PTPRQ: variants seen among roughly 807,000 people sequenced by gnomAD.
PTPRQ encodes protein tyrosine phosphatase receptor type Q, also known as phosphatidylinositol phosphatase PTPRQ.
Under a neutral mutation model 246.0 loss-of-function variants are expected in PTPRQ, and 199 were observed. The observed-to-expected ratio is 0.81, with a 90% CI of 0.72 to 0.91. PTPRQ has a LOEUF of 0.91. Among genes scored for constraint, PTPRQ ranks in the 40% least tolerant of loss-of-function variants. The pLI, the probability that PTPRQ is intolerant of heterozygous loss-of-function variation, is 0.00. For missense variants in PTPRQ, 2,624 were observed against 2,528.4 expected (o/e 1.04, Z -0.81); for synonymous variants, 869 against 853.2 (o/e 1.02, Z -0.32).
At chr12:80,525,987 A>C (rs529721637) in intron 17 of PTPRQ, 8 of 152,278 alleles carry the variant, frequency 5.3e-5, no homozygotes, top group Admixed American at 3.3e-4. Context: ...TGCCTGAAAC[A>C]CAGTAAGTAT....
chr12:80,466,112 G>A (rs1402171737), intron 6 of PTPRQ, among the ~76,000 whole-genome samples: 7 of 152,106 alleles, frequency 4.6e-5, no homozygotes, highest in South Asian at 2.1e-4. Flanking sequence ...AAACCCCATC[G>A]TCTCAGCCCA....
chr12:80,483,864 T>C (rs1386691663), intron 8 of PTPRQ, among the ~76,000 whole-genome samples: 1 of 152,176 alleles, frequency 6.6e-6, no homozygotes, highest in African/African-American at 2.4e-5. Flanking sequence ...GATAGTTTGC[T>C]GAGAATGATG....
At chr12:80,562,103 T>C (rs1284828942) in intron 25 of PTPRQ, among the ~76,000 whole-genome samples, 1 of 152,214 alleles carries the variant, frequency 6.6e-6, no homozygotes, top group African/African-American at 2.4e-5. Context: ...TGAACCAGCC[T>C]TGGGATTCTT....
intron 24 of PTPRQ, among the ~76,000 whole-genome samples, chr12:80,547,485 A>T (rs1263073265): frequency 2.6e-5 from 4 of 152,064 alleles, no homozygotes; most frequent in Admixed American, 2.6e-4. Context: ...TTAAATCGAG[A>T]TTGTAGACCA....
chr12:80,471,518 C>T (rs1893630112), intron 7 of PTPRQ, among the ~76,000 whole-genome samples: 1 of 25,006 alleles, frequency 4.0e-5, no homozygotes, highest in Non-Finnish European at 7.9e-5. Flanking sequence ...CGCTCTGTCG[C>T]CCAGGCTGGA....
intron 9 of PTPRQ, among the ~76,000 whole-genome samples, chr12:80,486,807 A>G (rs184047876): frequency 2.6e-4 from 40 of 152,252 alleles, no homozygotes; most frequent in Admixed American, 2.5e-3. Flanking sequence ...CCCAGTGTGC[A>G]ACACAAGAAT....
intron 14 of PTPRQ, among the ~76,000 whole-genome samples, chr12:80,497,356 A>G (rs1351155068): frequency 6.6e-6 from 1 of 151,956 alleles, no homozygotes; most frequent in East Asian, 1.9e-4. Context: ...GGCAATTCAC[A>G]ATAGAGTTTG....
chr12:80,578,784 G>GT (rs1275804890), intron 25 of PTPRQ, among the ~76,000 whole-genome samples: 6 of 152,014 alleles, frequency 3.9e-5, no homozygotes, highest in Non-Finnish European at 7.4e-5. Context: ...CTCTTTATGG[G>GT]TTTTTTCAGA....
chr12:80,634,905 T>G (rs1899583874), intron 34 of PTPRQ, 40 bp from the exon 35 acceptor site: 1 of 1,545,076 alleles, frequency 6.5e-7, no homozygotes, highest in Non-Finnish European at 8.7e-7. Context: ...ATATACTTTG[T>G]GTGAAACTCC....
chr12:80,556,712 T>A (rs1206202961), intron 25 of PTPRQ, among the ~76,000 whole-genome samples: 1 of 152,176 alleles, frequency 6.6e-6, no homozygotes, highest in Non-Finnish European at 1.5e-5. Flanking sequence ...ACTAAAGCAC[T>A]CATGGTAAGC....
intron 35 of PTPRQ, among the ~76,000 whole-genome samples, chr12:80,646,961 C>T (rs950307960): frequency 6.6e-6 from 1 of 152,110 alleles, no homozygotes; most frequent in Non-Finnish European, 1.5e-5. Flanking sequence ...TTAGCTATTT[C>T]TTGCTCACTT....
intron 17 of PTPRQ, among the ~76,000 whole-genome samples, chr12:80,527,815 T>C (rs546649143): frequency 4.6e-5 from 7 of 150,700 alleles, no homozygotes; most frequent in African/African-American, 1.7e-4. Context: ...ACTACAGATA[T>C]CTAAAAATTA....
Position 80,613,789 on chromosome 12 carries a change from A to C in PTPRQ, c.5116A>C (p.Ile1706Leu). 6.5e-7 allele frequency: 1 copy of C among 1,542,362 alleles called. No homozygotes were observed. The highest frequency in any genetic ancestry group is 8.8e-7 in the Non-Finnish European group (1 of 1,141,382). The change falls in exon 29 of 45, where the codon ATT (isoleucine) becomes CTT (leucine). Residue 1706 changes from isoleucine (I) to leucine (L), a missense_variant. Coordinates refer to ENST00000644991, the MANE Select transcript of PTPRQ (RefSeq NM_001145026.2). ...TATACAGAAAACCAACACATTCGTCATTGCAATGCTAGAAGGACTAAAAGG... is the reference window on the plus strand; with the variant it reads ...TATACAGAAAACCAACACATTCGTCCTTGCAATGCTAGAAGGACTAAAAGG... Reference protein sequence around the residue: ...SIIQKTNTFVIAMLEGLKGGH... With the variant: ...SIIQKTNTFVLAMLEGLKGGH...
intron 43 of PTPRQ, among the ~76,000 whole-genome samples, chr12:80,676,642 AAAC>A (rs892908870): frequency 7.9e-5 from 12 of 152,066 alleles, no homozygotes; most frequent in African/African-American, 4.8e-5. Flanking sequence ...ACTCTGTTGC[AAAC>A]AACAACAACA....
intron 37 of PTPRQ, among the ~76,000 whole-genome samples, chr12:80,650,367 A>G (rs1054558705): frequency 1.2e-4 from 18 of 151,976 alleles, no homozygotes; most frequent in Admixed American, 1.1e-3. Context: ...ATTTAAAAAC[A>G]TAAGGTAGAT....
intron 7 of PTPRQ, among the ~76,000 whole-genome samples, chr12:80,471,484 TTTTTTTTA>T (rs1893625428): frequency 1.2e-4 from 5 of 40,228 alleles, no homozygotes; most frequent in Non-Finnish European, 1.7e-4. Flanking sequence ...ATTTTTTTTT[TTTTTTTTA>T]TTTGAGACAG....
At chr12:80,656,404 T>A (rs1439974702) in intron 38 of PTPRQ, among the ~76,000 whole-genome samples, 2 of 152,112 alleles carry the variant, frequency 1.3e-5, no homozygotes, top group Non-Finnish European at 2.9e-5. Context: ...AGCTTAGCAA[T>A]TTACCCAAGC....
intron 42 of PTPRQ, 58 bp downstream of exon 42, chr12:80,670,550 C>A (rs1376948677): frequency 7.1e-7 from 1 of 1,411,984 alleles, no homozygotes; most frequent in Non-Finnish European, 9.3e-7. Flanking sequence ...TATTAAAATT[C>A]CATTGGTTAT....
intron 3 of PTPRQ, among the ~76,000 whole-genome samples, chr12:80,452,378 T>C (rs1177423767): frequency 6.6e-6 from 1 of 152,178 alleles, no homozygotes; most frequent in African/African-American, 2.4e-5. Context: ...AAAGTCAATA[T>C]TGTTATGTGT....
Sources: gnomAD v4.1 joint callset for allele counts (sites outside exome capture counted in the v4.1 genomes callset) on GRCh38, gnomAD v4.1.1 for gene constraint, MANE v1.5 for transcripts, NCBI Gene and HGNC (gene_info 2026-07-23, HGNC 2026-07-21) for gene names.